WDR90: variants seen among roughly 807,000 people sequenced by gnomAD.
WDR90 encodes the protein WD repeat domain 90.
A neutral mutation model predicts 195.2 loss-of-function variants in WDR90; 238 were observed. The ratio of observed to expected loss-of-function variants is 1.22; its 90% CI spans 1.10 to 1.36. The LOEUF (loss-of-function observed/expected upper bound fraction) is 1.36, where lower values mean the gene tolerates loss of function less well. WDR90 is among the 40% of genes most tolerant of loss of function. The pLI is 0.00. For missense variants in WDR90, 2,734 were observed against 2,439.5 expected, an observed-to-expected ratio of 1.12 and a Z score of -2.54; for synonymous variants, 1,265 against 1,052.4, an observed-to-expected ratio of 1.20 and a Z score of -3.91.
rs753961778 is a variant in WDR90, at chr16:649,887, C to G, written c.102+33C>G. 7.6e-6 allele frequency: 12 copies of G among 1,578,520 alleles called. No individual in the cohort carries two copies. The Admixed American group carries it at 1.6e-4, about 22-fold the overall frequency. On this transcript the variant is annotated intron_variant, in intron 2 of 40. Transcript: ENST00000293879. ...GCCGGGGGCTCGCCCGGAGCCCACA[C>G]CCCTGCCCTGCCCCCAGGAGAGCTG...
At chr16:654,895 C>G (rs2037715761) in intron 13 of WDR90, 134 bp from the exon 14 acceptor site, 2 of 768,126 alleles carry the variant, frequency 2.6e-6, no homozygotes, top group African/African-American at 1.7e-5. Context: ...CTTCCACTCT[C>G]CACGGCCGCA....
Position 650,298 on chromosome 16 carries a change from G to GT in WDR90, c.327dup (p.Lys110Ter), listed in dbSNP as rs2037617541. The stretch of plus-strand genomic sequence containing the variant: ...TGTCTTTCTCCAACCTCTTCAAGGA[G>GT]TTTAAGTCTACGGCCACGTGGCTCC... On this transcript the variant is annotated frameshift_variant, in exon 4 of 41. Transcript: ENST00000293879. LOFTEE classifies it high-confidence loss of function. 6 of 1,612,942 alleles carry GT rather than the reference G, an allele frequency of 3.7e-6. No homozygotes were observed. The East Asian group carries it at 1.3e-4, about 36-fold the overall frequency.
intron 16 of WDR90, 28 bp from the exon 17 acceptor site, chr16:655,745 C>A (rs747993649): frequency 6.3e-7 from 1 of 1,581,820 alleles, no homozygotes. Flanking sequence ...GCAGGGACAC[C>A]GAGGCACTGA....
chr16:662,158 C>T (rs2037930655), intron 32 of WDR90, 62 bp from the exon 33 acceptor site: 1 of 1,522,416 alleles, frequency 6.6e-7, no homozygotes. Flanking sequence ...GTCCGGGCAG[C>T]CTTGTGACCC....
chr16:666,414 G>T, intron 37 of WDR90, 41 bp from the exon 38 acceptor site: 1 of 1,608,856 alleles, frequency 6.2e-7, no homozygotes, highest in Non-Finnish European at 8.5e-7. Flanking sequence ...GCACCATCTT[G>T]GCAGAAGGCA....
chr16:666,285 ACCTT>A lies in WDR90; in HGVS notation c.4678_4681del (p.Phe1560ValfsTer3). The A allele has an allele frequency of 1.2e-6, 2 of 1,612,706 alleles. No individual in the cohort carries two copies. Among genetic ancestry groups the A allele is most frequent in the African/African-American group, 2.7e-5 (2 of 75,042 alleles). On this transcript the variant is annotated frameshift_variant, in exon 37 of 41. Transcript: ENST00000293879. LOFTEE classifies it high-confidence loss of function. ...TGTGAGCCACCCCTGCACAGGGACA[ACCTT>A]CCGTGTGCTGAGTGACCACCAGGGC...
In WDR90 at chr16:662,016, C is replaced by T. The variant is rs114487868; in HGVS notation, c.3990C>T (p.Ala1330=). 213 of 1,603,432 alleles carry T rather than the reference C, an allele frequency of 1.3e-4. No individual in the cohort carries two copies. In the African/African-American group the frequency reaches 1.9e-3, roughly 14 times the overall value. Residue 1330 remains alanine, a synonymous_variant, in exon 32 of 41, where the codon GCC becomes GCT. Coordinates refer to ENST00000293879, the MANE Select transcript of WDR90 (RefSeq NM_145294.5). ...SGQVCVWDTR[A]GRCFLSWEAD... ...AGGTCTGTGTCTGGGACACGCGTGC[C>T]GGCCGCTGCTTCTTGTCCTGGGAGG...
At chr16:652,359 T>C (rs560059236) in intron 9 of WDR90, 108 bp from the exon 10 acceptor site, 11 of 1,332,026 alleles carry the variant, frequency 8.3e-6, no homozygotes, top group South Asian at 7.1e-5. Context: ...CAGGGCAGTC[T>C]TCTTGAGAGG....
intron 34 of WDR90, chr16:663,145 A>C: frequency 2.0e-6 from 1 of 494,254 alleles, no homozygotes. Context: ...ATTGTCAAAG[A>C]AATCACATCA....
At chr16:660,831 C>T (rs551447202) in intron 28 of WDR90, 117 bp downstream of exon 28, 5 of 1,202,582 alleles carry the variant, frequency 4.2e-6, no homozygotes, top group Non-Finnish European at 5.7e-6. Flanking sequence ...CAGTGTGGGG[C>T]TCTGTTCTCC....
At position 650,061 on chromosome 16, in the gene WDR90, C is replaced by G. The variant is rs1187916450; in HGVS notation, c.173C>G (p.Pro58Arg). 6.2e-7 allele frequency: 1 copy of G among 1,612,956 alleles called. No homozygotes were observed. The highest frequency in any genetic ancestry group is 1.1e-5 in the South Asian group (1 of 91,090). The change falls in exon 3 of 41, where the codon CCT (proline) becomes CGT (arginine). Residue 58 changes from proline to arginine, a missense_variant. Transcript: ENST00000293879. The part of the protein sequence containing the change: ...SVSAANYIQL[P>R]KSSTQSLGLT... ...TCTGCCGCCAACTACATCCAGCTCC[C>G]TAAGAGCAGCACCCAGTCTCTGGGG...
At chr16:665,187 A>C in intron 34 of WDR90, 3 of 272,964 alleles carry the variant, frequency 1.1e-5, no homozygotes, top group Non-Finnish European at 2.2e-5. Flanking sequence ...GGGAGGAGGA[A>C]TGCGACTGCA....
intron 9 of WDR90, 76 bp downstream of exon 9, chr16:652,115 A>G: frequency 6.8e-7 from 1 of 1,467,128 alleles, no homozygotes; most frequent in Non-Finnish European, 9.2e-7. Flanking sequence ...CCCGAGATGC[A>G]TTCAGAACGG....
chr16:655,161 C>T lies in WDR90; in HGVS notation c.1556+14C>T. On this transcript the variant is annotated intron_variant, in intron 14 of 40. Coordinates refer to ENST00000293879, the MANE Select transcript of WDR90 (RefSeq NM_145294.5). Reference sequence around the variant, plus strand: ...TGATGAAACCAGGTGATGCAGCCGCCCATCCACGATGTTGGGAGAGGGTCT... The same window carrying T: ...TGATGAAACCAGGTGATGCAGCCGCTCATCCACGATGTTGGGAGAGGGTCT... 1 of 1,612,456 alleles carries T rather than the reference C, an allele frequency of 6.2e-7. No individual in the cohort carries two copies. Among genetic ancestry groups the T allele is most frequent in the Non-Finnish European group, 8.5e-7 (1 of 1,179,644 alleles).
At position 653,659 on chromosome 16, in the gene WDR90, C is replaced by T. The variant is rs765695363; in HGVS notation, c.1368C>T (p.Val456=). 5.6e-6 allele frequency: 9 copies of T among 1,613,526 alleles called. No homozygotes were observed. The East Asian group carries it at 2.0e-4, about 36-fold the overall frequency. ...LCLFRSPMHV[V]CSLSFSDSGA... is the part of the protein sequence containing the mutation. ...TGTTCCGGAGCCCAATGCACGTTGTCTGCTCTCTCAGGTGAGCACAGGTCT... is the reference window on the plus strand; with the variant it reads ...TGTTCCGGAGCCCAATGCACGTTGTTTGCTCTCTCAGGTGAGCACAGGTCT... The change falls in exon 12 of 41, where the codon GTC becomes GTT. Residue 456 remains valine, a synonymous_variant. Transcript: ENST00000293879.
rs549344924 is a variant in WDR90, at chr16:661,785, C to T, written c.3862C>T (p.Gln1288Ter). The T allele has an allele frequency of 6.3e-7, 1 of 1,596,638 alleles. No individual in the cohort carries two copies. Among genetic ancestry groups the T allele is most frequent in the Admixed American group, 1.7e-5 (1 of 58,490 alleles). The change falls in exon 31 of 41, where the codon CAG becomes TAG. Residue 1288 changes from glutamine (Q) to a stop codon, truncating the protein, a stop_gained and splice_region_variant. Coordinates refer to ENST00000293879, the MANE Select transcript of WDR90 (RefSeq NM_145294.5). LOFTEE classifies it high-confidence loss of function. ...LQQRGADISL[Q>*]VRREPVPEAV... ...GCAGCGTGGGGCAGACATCAGCCTTCAGGTGCCACCCGTTCAGCGTTTGGG... is the reference window on the plus strand; with the variant it reads ...GCAGCGTGGGGCAGACATCAGCCTTTAGGTGCCACCCGTTCAGCGTTTGGG...
chr16:666,513 G>A lies in WDR90; in HGVS notation c.4799G>A (p.Arg1600Gln), dbSNP rs754426020. 8.1e-6 allele frequency: 13 copies of A among 1,612,568 alleles called. No homozygotes were observed. The highest frequency in any genetic ancestry group is 4.0e-5 in the African/African-American group (3 of 74,916). ...DLWLAASGDQRVSVWASDWLR... is the reference protein window; with the variant it reads ...DLWLAASGDQQVSVWASDWLR... ...TGGCTGGCTGCCAGTGGGGACCAGCGGGTCAGCGTCTGGGCCTCCGACTGG... is the reference window on the plus strand; with the variant it reads ...TGGCTGGCTGCCAGTGGGGACCAGCAGGTCAGCGTCTGGGCCTCCGACTGG... The change falls in exon 38 of 41, where the codon CGG becomes CAG. Residue 1600 changes from arginine to glutamine, a missense_variant. By Grantham distance (43) the Arg-to-Gln change is conservative. Coordinates refer to ENST00000293879, the MANE Select transcript of WDR90 (RefSeq NM_145294.5).
chr16:653,500 C>T (rs1473216161), intron 11 of WDR90, 25 bp from the exon 12 acceptor site: 2 of 1,612,562 alleles, frequency 1.2e-6, no homozygotes, highest in South Asian at 2.2e-5. Flanking sequence ...GCCCCTACAC[C>T]CTCCCTCACC....
chr16:653,096 G>A (rs949230249), intron 10 of WDR90, among the ~76,000 whole-genome samples: 1 of 152,218 alleles, frequency 6.6e-6, no homozygotes. Flanking sequence ...GTCTGTGCAT[G>A]TGTGTACACG....
Sources: gnomAD v4.1 joint callset for allele counts (sites outside exome capture counted in the v4.1 genomes callset) on GRCh38, gnomAD v4.1.1 for gene constraint, MANE v1.5 for transcripts, NCBI Gene and HGNC (gene_info 2026-07-23, HGNC 2026-07-21) for gene names.